AKAP7: variants seen among roughly 807,000 people sequenced by gnomAD.
The protein encoded by AKAP7 is A kinase (PRKA) anchor protein 7.
AKAP7 carries 39 observed loss-of-function variants against 39.5 expected under a neutral mutation model. The ratio of observed to expected loss-of-function variants is 0.99; its 90% CI spans 0.76 to 1.29. The LOEUF (loss-of-function observed/expected upper bound fraction) is 1.29. Ranked by LOEUF, AKAP7 falls within the 50% of genes most tolerant of loss-of-function variation. The pLI, the probability that AKAP7 is intolerant of heterozygous loss-of-function variation, is 0.00. For synonymous variants in AKAP7, 140 were observed against 139.1 expected (o/e 1.01, Z -0.05); for missense variants, 414 against 407.7 (o/e 1.02, Z -0.13).
chr6:131,144,199 T>G (rs1015911595), intron 1 of AKAP7, among the ~76,000 whole-genome samples: 1 of 148,988 alleles, frequency 6.7e-6, no homozygotes, highest in Non-Finnish European at 1.5e-5. Flanking sequence ...ATTTCTCAAT[T>G]TTTTCCCCAC....
chr6:131,217,174 A>G (rs988961002), intron 6 of AKAP7, among the ~76,000 whole-genome samples: 9 of 152,166 alleles, frequency 5.9e-5, no homozygotes, highest in African/African-American at 1.9e-4. Flanking sequence ...TTAAAATATA[A>G]TCTGGGAGGA....
intron 1 of AKAP7, among the ~76,000 whole-genome samples, chr6:131,139,431 A>G (rs1800841606): frequency 6.6e-6 from 1 of 152,228 alleles, no homozygotes; most frequent in Non-Finnish European, 1.5e-5. Context: ...AGCAAGGTAA[A>G]GAATGATGTT....
intron 3 of AKAP7, among the ~76,000 whole-genome samples, chr6:131,164,863 C>T (rs1803325419): frequency 6.6e-6 from 1 of 152,158 alleles, no homozygotes; most frequent in South Asian, 2.1e-4. Context: ...GATAGACAAT[C>T]ATCATGCTTT....
At chr6:131,188,237 C>CAT (rs2308031) in intron 5 of AKAP7, among the ~76,000 whole-genome samples, 130,276 of 152,028 alleles carry the variant, frequency 0.86, 56,123 homozygotes, top group African/African-American at 0.93. Context: ...TATATTGAAA[C>CAT]ATAGTTCAAG....
intron 5 of AKAP7, among the ~76,000 whole-genome samples, chr6:131,189,596 A>G (rs934610566): frequency 6.6e-6 from 1 of 152,170 alleles, no homozygotes; most frequent in African/African-American, 2.4e-5. Context: ...ATTATTATGT[A>G]AATTTATTGC....
chr6:131,201,919 C>T (rs1225805261), intron 6 of AKAP7, among the ~76,000 whole-genome samples: 1 of 152,006 alleles, frequency 6.6e-6, no homozygotes, highest in East Asian at 1.9e-4. Context: ...GCAGCGTTAT[C>T]AACAAACAAC....
chr6:131,252,535 C>A (rs749551091), intron 7 of AKAP7, among the ~76,000 whole-genome samples: 1 of 152,202 alleles, frequency 6.6e-6, no homozygotes, highest in Non-Finnish European at 1.5e-5. Context: ...TGTTTAATTT[C>A]TCTGGTACAG....
At chr6:131,192,918 G>A (rs1167196180) in intron 5 of AKAP7, among the ~76,000 whole-genome samples, 1 of 152,052 alleles carries the variant, frequency 6.6e-6, no homozygotes, top group Non-Finnish European at 1.5e-5. Context: ...ACTGACTTTT[G>A]TATGTTGATT....
At chr6:131,205,046 TA>T (rs139283536) in intron 6 of AKAP7, among the ~76,000 whole-genome samples, 4,311 of 152,124 alleles carry the variant, frequency 0.028, 144 homozygotes, top group African/African-American at 0.078. Flanking sequence ...TGATTGTTGG[TA>T]AAAAGGGGTG....
At chr6:131,222,201 T>C (rs1233427607) in intron 7 of AKAP7, among the ~76,000 whole-genome samples, 1 of 152,044 alleles carries the variant, frequency 6.6e-6, no homozygotes, top group African/African-American at 2.4e-5. Flanking sequence ...CAAGACTGCA[T>C]TGGAGGAAGT....
At chr6:131,253,161 GT>G (rs568578587) in intron 7 of AKAP7, 223 of 1,504,080 alleles carry the variant, frequency 1.5e-4, no homozygotes, top group Non-Finnish European at 2.0e-4. Context: ...TGCTTTTGCC[GT>G]TTGGTGGTGG....
intron 5 of AKAP7, among the ~76,000 whole-genome samples, chr6:131,192,077 G>GAAGCTTTT (rs559007919): frequency 1.1e-3 from 174 of 152,148 alleles, no homozygotes; most frequent in Non-Finnish European, 2.2e-3. Context: ...TGCCCAGCCA[G>GAAGCTTTT]AAGCTTTTAA....
chr6:131,213,166 T>C (rs1209842686), intron 6 of AKAP7, among the ~76,000 whole-genome samples: 3 of 152,208 alleles, frequency 2.0e-5, no homozygotes, highest in African/African-American at 4.8e-5. Flanking sequence ...GCCAGTGTTA[T>C]GTGGCAAGTT....
At position 131,282,786 on chromosome 6, in the gene AKAP7, A is replaced by C. The variant is rs1002008957; in HGVS notation, c.*1060A>C. The C allele has an allele frequency of 2.0e-6, 1 of 507,388 alleles. No homozygotes were observed. The highest frequency in any genetic ancestry group is 3.4e-6 in the Non-Finnish European group (1 of 291,160). 31.4% of individuals were successfully genotyped at this position (507,388 alleles called of 1,614,324 possible). A position where few individuals can be genotyped will look rare whatever the true frequency, so the allele number is the denominator to read the frequency against. On this transcript the variant is annotated 3_prime_UTR_variant, in exon 8 of 8. Transcript: ENST00000431975. Reference sequence around the variant, plus strand: ...TCTGCCCAATTATTTTTTGAGCTACACTTGTGTTTTAGAATATCTGTTTCT... The same window carrying C: ...TCTGCCCAATTATTTTTTGAGCTACCCTTGTGTTTTAGAATATCTGTTTCT...
rs1562265298 is a variant in AKAP7, at chr6:131,283,221, G to A, written c.*1495G>A. 1 of 152,406 alleles carries A rather than the reference G, an allele frequency of 6.6e-6. No homozygotes were observed. Among genetic ancestry groups the A allele is most frequent in the Non-Finnish European group, 1.5e-5 (1 of 68,004 alleles). The allele number at this position is 152,406 out of a possible 1,614,324, so 9.4% of individuals were successfully genotyped here. A position where few individuals can be genotyped will look rare whatever the true frequency, so the allele number is the denominator to read the frequency against. ...TGGGATTTTTATTTTTTACGTGTCC[G>A]AAGATAAGCTCCAGGTCTTATCGTA... is the stretch of plus-strand genomic sequence containing the variant. On this transcript the variant is annotated 3_prime_UTR_variant, in exon 8 of 8. Transcript: ENST00000431975.
At chr6:131,277,458 ATAGT>A (rs1387976541) in intron 7 of AKAP7, among the ~76,000 whole-genome samples, 7 of 152,194 alleles carry the variant, frequency 4.6e-5, no homozygotes. Context: ...ATATCAAAAG[ATAGT>A]TTGTGTGTGT....
At chr6:131,136,180 A>G (rs1340287009) in intron 1 of AKAP7, among the ~76,000 whole-genome samples, 1 of 152,222 alleles carries the variant, frequency 6.6e-6, no homozygotes, top group Non-Finnish European at 1.5e-5. Flanking sequence ...TATCACAAAT[A>G]TTAAGCACCC....
intron 5 of AKAP7, among the ~76,000 whole-genome samples, chr6:131,185,851 T>A (rs1768775912): frequency 6.6e-6 from 1 of 152,264 alleles, no homozygotes; most frequent in African/African-American, 2.4e-5. Flanking sequence ...TTTACTTTTG[T>A]TGCCTGTGCT....
chr6:131,133,902 A>C (rs2128220540), upstream of AKAP7, among the ~76,000 whole-genome samples: 1 of 152,272 alleles, frequency 6.6e-6, no homozygotes, highest in Non-Finnish European at 1.5e-5. Context: ...GTTACTAGAA[A>C]ATGTATGGGT....
Sources: allele counts gnomAD v4.1 joint callset (sites outside exome capture counted in the v4.1 genomes callset), GRCh38; gene constraint gnomAD v4.1.1; transcripts MANE v1.5; gene names NCBI Gene and HGNC (gene_info 2026-07-23, HGNC 2026-07-21).